SENP5: variants seen among roughly 807,000 people sequenced by gnomAD.
The protein encoded by SENP5 is SUMO specific peptidase 5.
SENP5 carries 21 observed loss-of-function variants against 74.2 expected under a neutral mutation model. That is an observed-to-expected ratio of 0.28 (90% CI 0.20 to 0.41). The LOEUF (loss-of-function observed/expected upper bound fraction) is 0.41, where lower values mean the gene tolerates loss of function less well. Among genes scored for constraint, SENP5 ranks in the 10% least tolerant of loss-of-function variants. SENP5 has a pLI of 1.00. For missense variants in SENP5, 717 were observed against 889.1 expected, an observed-to-expected ratio of 0.81 and a Z score of 2.46; for synonymous variants, 311 against 312.7, an observed-to-expected ratio of 0.99 and a Z score of 0.06.
chr3:196,882,575 T>A (rs1262378911), intron 1 of SENP5, among the ~76,000 whole-genome samples: 2 of 152,094 alleles, frequency 1.3e-5, no homozygotes, highest in Non-Finnish European at 2.9e-5. Context: ...GCGATCTCAG[T>A]TCACCACAAC....
chr3:196,886,670 G>A lies in SENP5; in HGVS notation c.1489G>A (p.Glu497Lys). 4 of 1,570,948 alleles carry A rather than the reference G, an allele frequency of 2.5e-6. No individual in the cohort carries two copies. Among genetic ancestry groups the A allele is most frequent in the Non-Finnish European group, 2.6e-6 (3 of 1,161,872 alleles). The stretch of plus-strand genomic sequence containing the variant: ...TCAGAAAGCCTCTCCAGTGGATGAT[G>A]AACAGCTGTCAGTCTGTCTTTCTGG... The part of the protein sequence containing the change: ...NSQKASPVDD[E>K]QLSVCLSGFL... The change falls in exon 2 of 10, where the codon GAA becomes AAA. Residue 497 changes from glutamate (E) to lysine (K), a missense_variant. Around this residue, in one of 4 missense-constraint regions of SENP5, gnomAD observed 64 missense variants for 100.8 expected, o/e 0.64. Transcript: ENST00000323460.
intron 5 of SENP5, 142 bp downstream of exon 5, chr3:196,900,554 A>G: frequency 1.7e-6 from 1 of 594,316 alleles, no homozygotes; most frequent in South Asian, 2.6e-5. Context: ...TTGATCATGT[A>G]CTGGGCTTGA....
chr3:196,915,532 A>G (rs1715331848), intron 6 of SENP5, among the ~76,000 whole-genome samples: 1 of 152,206 alleles, frequency 6.6e-6, no homozygotes, highest in Non-Finnish European at 1.5e-5. Context: ...CCTACTGAGT[A>G]AAGAGCCCTT....
intron 7 of SENP5, among the ~76,000 whole-genome samples, chr3:196,924,502 A>G (rs1330534241): frequency 2.6e-5 from 4 of 152,232 alleles, no homozygotes; most frequent in African/African-American, 4.8e-5. Context: ...CTTACCAGAA[A>G]TTATAGAAAT....
chr3:196,928,218 T>C (rs1157254356), intron 8 of SENP5, among the ~76,000 whole-genome samples: 1 of 152,146 alleles, frequency 6.6e-6, no homozygotes, highest in Non-Finnish European at 1.5e-5. Context: ...CCCAGAGAAA[T>C]GCTGAAATGA....
chr3:196,903,570 T>C lies in SENP5; in HGVS notation c.1844T>C (p.Val615Ala). 6.2e-7 allele frequency: 1 copy of C among 1,609,424 alleles called. No homozygotes were observed. Among genetic ancestry groups the C allele is most frequent in the Non-Finnish European group, 8.5e-7 (1 of 1,178,302 alleles). ...FFNSFFHRQL[V>A]TKGYNGVKRW... is the part of the protein sequence containing the mutation. The stretch of plus-strand genomic sequence containing the variant: ...AACAGCTTTTTTCATAGACAGCTGG[T>C]AACCAAAGGATATAATGGAGTAAAA... Residue 615 changes from valine (V) to alanine (A), a missense_variant, in exon 6 of 10, where the codon GTA becomes GCA. This residue lies in a region of SENP5 where 85 missense variants were observed against 188.9 expected (regional missense o/e 0.45). Transcript: ENST00000323460.
At chr3:196,924,986 A>G (rs1715758111) in intron 7 of SENP5, among the ~76,000 whole-genome samples, 1 of 152,220 alleles carries the variant, frequency 6.6e-6, no homozygotes, top group Non-Finnish European at 1.5e-5. Flanking sequence ...TAAAAAGCCA[A>G]TTGTGGAATG....
At position 196,932,191 on chromosome 3, in the gene SENP5, G is replaced by A. The variant is rs1005167413; in HGVS notation, c.*1268G>A. The A allele has an allele frequency of 5.8e-6, 1 of 171,838 alleles. No homozygotes were observed. Among genetic ancestry groups the A allele is most frequent in the African/African-American group, 2.4e-5 (1 of 41,608 alleles). The allele number at this position is 171,838 out of a possible 1,614,324, so 10.6% of individuals were successfully genotyped here. A position where few individuals can be genotyped will look rare whatever the true frequency, so the allele number is the denominator to read the frequency against. The stretch of plus-strand genomic sequence containing the variant: ...TCTTTAATCCAGCCTTTCGTGACAT[G>A]TTGGAAAGATACATGTGAAACCTAC... On this transcript the variant is annotated 3_prime_UTR_variant, in exon 10 of 10. Coordinates refer to ENST00000323460, the MANE Select transcript of SENP5 (RefSeq NM_152699.5).
chr3:196,923,278 G>A, intron 6 of SENP5, 136 bp from the exon 7 acceptor site: 1 of 779,580 alleles, frequency 1.3e-6, no homozygotes, highest in Non-Finnish European at 2.0e-6. Context: ...GTAAGACCTG[G>A]GTTCAAATTC....
chr3:196,897,420 A>G (rs966304652), intron 2 of SENP5, among the ~76,000 whole-genome samples: 19 of 152,176 alleles, frequency 1.2e-4, no homozygotes, highest in Non-Finnish European at 5.9e-5. Flanking sequence ...CTTCCTGTCT[A>G]CTGTATTTGC....
At chr3:196,874,866 T>TG (rs1713387408) in intron 1 of SENP5, among the ~76,000 whole-genome samples, 1 of 149,946 alleles carries the variant, frequency 6.7e-6, no homozygotes. Flanking sequence ...GCAACAAGAG[T>TG]GGGAAAAAAA....
intron 2 of SENP5, among the ~76,000 whole-genome samples, chr3:196,894,935 A>G (rs1365702312): frequency 1.3e-5 from 2 of 152,178 alleles, no homozygotes; most frequent in African/African-American, 4.8e-5. Context: ...TCCCTTAGTC[A>G]TATTTCGCAT....
At chr3:196,928,303 C>T (rs1330820892) in intron 8 of SENP5, among the ~76,000 whole-genome samples, 1 of 152,214 alleles carries the variant, frequency 6.6e-6, no homozygotes, top group South Asian at 2.1e-4. Context: ...GTAGCCCAAG[C>T]GCTTCAGTCC....
At chr3:196,871,044 C>T (rs1330328231) in intron 1 of SENP5, among the ~76,000 whole-genome samples, 4 of 151,914 alleles carry the variant, frequency 2.6e-5, no homozygotes, top group African/African-American at 9.7e-5. Context: ...GTGGCGGGCG[C>T]CTATAATCCC....
Position 196,886,714 on chromosome 3 carries a change from T to G in SENP5, c.1513+20T>G. 6.6e-7 allele frequency: 1 copy of G among 1,507,238 alleles called. No homozygotes were observed. The highest frequency in any genetic ancestry group is 1.8e-4 in the Middle Eastern group (1 of 5,610). 93.4% of individuals were successfully genotyped at this position (1,507,238 alleles called of 1,614,324 possible). On this transcript the variant is annotated intron_variant, in intron 2 of 9. Coordinates refer to ENST00000323460, the MANE Select transcript of SENP5 (RefSeq NM_152699.5). ...TTTCTGGTATGCACTTTTCCTTTAT[T>G]CTCCCTCAAACTCCAAGCTCACATT... is the stretch of plus-strand genomic sequence containing the variant.
rs371437961 is a variant in SENP5, at chr3:196,886,292, C to G, written c.1111C>G (p.Leu371Val). ...TTCTCCTAAGTGGGAGTGTACAGAGCTGATTCATGACATCCCCTTACCAGA... is the reference window on the plus strand; with the variant it reads ...TTCTCCTAAGTGGGAGTGTACAGAGGTGATTCATGACATCCCCTTACCAGA... ...CSSPKWECTE[L>V]IHDIPLPEHR... Residue 371 changes from leucine (L) to valine (V), a missense_variant, in exon 2 of 10, where the codon CTG becomes GTG. By Grantham distance (32) the Leu-to-Val change is conservative. Coordinates refer to ENST00000323460, the MANE Select transcript of SENP5 (RefSeq NM_152699.5). The G allele has an allele frequency of 1.9e-6, 3 of 1,613,986 alleles. No individual in the cohort carries two copies. The highest frequency in any genetic ancestry group is 2.5e-6 in the Non-Finnish European group (3 of 1,180,010).
At chr3:196,909,494 C>T (rs537488792) in intron 6 of SENP5, among the ~76,000 whole-genome samples, 90 of 152,246 alleles carry the variant, frequency 5.9e-4, no homozygotes, top group Middle Eastern at 6.8e-3. Context: ...TGATGAACAT[C>T]GGTGCGAAAA....
chr3:196,891,347 G>A (rs1714191907), intron 2 of SENP5, among the ~76,000 whole-genome samples: 2 of 152,180 alleles, frequency 1.3e-5, no homozygotes, highest in African/African-American at 4.8e-5. Flanking sequence ...GGTAATGGAG[G>A]TGTTCTGGAA....
At chr3:196,890,983 A>G (rs1440043511) in intron 2 of SENP5, among the ~76,000 whole-genome samples, 1 of 152,254 alleles carries the variant, frequency 6.6e-6, no homozygotes, top group Non-Finnish European at 1.5e-5. Context: ...AACCAAATAC[A>G]CAGAAATGTG....
Sources: gnomAD v4.1 joint callset for allele counts (sites outside exome capture counted in the v4.1 genomes callset) on GRCh38, gnomAD v4.1.1 for gene constraint, gnomAD v4.1.1 regional missense constraint, MANE v1.5 for transcripts, NCBI Gene and HGNC (gene_info 2026-07-23, HGNC 2026-07-21) for gene names.